Variants in DNAH11 observed in about 807,000 individuals in gnomAD.
The protein encoded by DNAH11 is axonemal beta dynein heavy chain 11.
In DNAH11, 442 loss-of-function variants were observed where a neutral mutation model predicts 526.0. That is an observed-to-expected ratio of 0.84 (90% CI 0.78 to 0.91). The LOEUF (loss-of-function observed/expected upper bound fraction) is 0.91, where lower values mean the gene tolerates loss of function less well. Ranked by LOEUF, DNAH11 falls within the 40% of genes least tolerant of loss-of-function variation. The pLI, the probability that DNAH11 is intolerant of heterozygous loss-of-function variation, is 0.00. For synonymous variants in DNAH11, 2,461 were observed against 1,935.9 expected (o/e 1.27, Z -7.12); for missense variants, 6,989 against 5,448.7 (o/e 1.28, Z -8.90).
intron 58 of DNAH11, 98 bp downstream of exon 58, chr7:21,784,638 A>G: frequency 2.6e-6 from 2 of 776,904 alleles, no homozygotes; most frequent in South Asian, 3.0e-5. Flanking sequence ...CATTACAGCC[A>G]AAAAGTATTT....
At chr7:21,583,142 A>C (rs541242500) in intron 9 of DNAH11, among the ~76,000 whole-genome samples, 3 of 152,320 alleles carry the variant, frequency 2.0e-5, no homozygotes, top group Admixed American at 1.3e-4. Flanking sequence ...AATCCTAAGC[A>C]AAAAGAACAA....
intron 30 of DNAH11, among the ~76,000 whole-genome samples, chr7:21,674,565 G>T (rs187958970): frequency 2.0e-4 from 30 of 152,252 alleles, no homozygotes; most frequent in African/African-American, 7.2e-4. Context: ...GTTTCGCCAT[G>T]TTGACCAGGC....
intron 65 of DNAH11, among the ~76,000 whole-genome samples, chr7:21,834,748 G>T (rs1219205538): frequency 1.3e-5 from 2 of 152,124 alleles, no homozygotes; most frequent in African/African-American, 4.8e-5. Flanking sequence ...TGGAGGCCGA[G>T]GCAGGGGGAT....
chr7:21,585,196 C>T (rs933208060), intron 9 of DNAH11, among the ~76,000 whole-genome samples: 4 of 152,116 alleles, frequency 2.6e-5, no homozygotes, highest in East Asian at 1.9e-4. Flanking sequence ...CATCATCTTA[C>T]AGCTTCTGTG....
At chr7:21,561,461 A>G (rs1015341206) in intron 5 of DNAH11, 2 of 252,374 alleles carry the variant, frequency 7.9e-6, no homozygotes, top group Non-Finnish European at 1.5e-5. Flanking sequence ...AAAAAAAAAT[A>G]AGTCTGGATA....
At chr7:21,623,272 C>T (rs1786167509) in intron 25 of DNAH11, among the ~76,000 whole-genome samples, 1 of 151,890 alleles carries the variant, frequency 6.6e-6, no homozygotes, top group Non-Finnish European at 1.5e-5. Context: ...GAGATACCAT[C>T]TCACACCAGT....
At position 21,654,440 on chromosome 7, in the gene DNAH11, A is replaced by G. The variant is rs578160948; in HGVS notation, c.4945-1392A>G. ...TAATATTCCTTTTAATGACTGAACAATATTCCGTTGTATGGATATACCACA... is the reference window on the plus strand; with the variant it reads ...TAATATTCCTTTTAATGACTGAACAGTATTCCGTTGTATGGATATACCACA... On this transcript the variant is annotated intron_variant, in intron 28 of 81. Transcript: ENST00000409508. Among the ~76,000 whole-genome samples, 7 of 152,318 alleles carry G rather than the reference A, an allele frequency of 4.6e-5. No homozygotes were observed. The South Asian group carries it at 6.2e-4, about 14-fold the overall frequency.
At chr7:21,684,031 A>AACGATGAAC in intron 32 of DNAH11, 87 bp downstream of exon 32, 1 of 1,352,450 alleles carries the variant, frequency 7.4e-7, no homozygotes, top group Non-Finnish European at 1.0e-6. Context: ...AATGAGAGGA[A>AACGATGAAC]ACGATGAACA....
intron 79 of DNAH11, 81 bp downstream of exon 79, chr7:21,895,080 A>C: frequency 8.7e-7 from 1 of 1,150,668 alleles, no homozygotes; most frequent in Non-Finnish European, 1.3e-6. Context: ...CTTCCTAAGA[A>C]CTATGCAGAC....
chr7:21,890,845 A>G (rs1583816810), intron 76 of DNAH11, among the ~76,000 whole-genome samples: 1 of 152,186 alleles, frequency 6.6e-6, no homozygotes, highest in African/African-American at 2.4e-5. Flanking sequence ...CTTCCTTCCC[A>G]TATTCATCGG....
rs771238763 is a variant in DNAH11 at position 21,816,619 on chromosome 7, G to A, written c.10485G>A (p.Val3495=). ...CACACTGTGAGCGCTGGCCTCTGGTGATAGATCCCCAGCAACAGGGAATTA... is the reference window on the plus strand; with the variant it reads ...CACACTGTGAGCGCTGGCCTCTGGTAATAGATCCCCAGCAACAGGGAATTA... ...ILTHCERWPL[V]IDPQQQGIKW... is the part of the protein sequence containing the mutation. Residue 3495 remains valine (V), a synonymous_variant, in exon 64 of 82, where the codon GTG becomes GTA. Transcript: ENST00000409508. 2 of 1,613,766 alleles carry A rather than the reference G, an allele frequency of 1.2e-6. No homozygotes were observed. Among genetic ancestry groups the A allele is most frequent in the South Asian group, 1.1e-5 (1 of 91,046 alleles).
intron 20 of DNAH11, among the ~76,000 whole-genome samples, chr7:21,612,653 C>A (rs1785579928): frequency 6.6e-6 from 1 of 151,464 alleles, no homozygotes; most frequent in Admixed American, 6.6e-5. Context: ...CACATGATTC[C>A]AGGAACCTGA....
chr7:21,580,775 C>T (rs924949605), intron 8 of DNAH11, among the ~76,000 whole-genome samples: 2 of 152,160 alleles, frequency 1.3e-5, no homozygotes, highest in Admixed American at 6.5e-5. Context: ...CTTCTTGATA[C>T]TATCGTATTG....
chr7:21,627,736 G>A (rs1356764013), intron 25 of DNAH11, among the ~76,000 whole-genome samples: 1 of 151,994 alleles, frequency 6.6e-6, no homozygotes, highest in Non-Finnish European at 1.5e-5. Context: ...TGTTCTTTTT[G>A]CTCAGGATTG....
intron 68 of DNAH11, among the ~76,000 whole-genome samples, chr7:21,855,195 C>G (rs949077456): frequency 1.3e-5 from 2 of 151,984 alleles, no homozygotes; most frequent in African/African-American, 2.4e-5. Context: ...CCACACCTGG[C>G]TAATTTTTTG....
At chr7:21,636,289 C>A (rs1786860468) in intron 26 of DNAH11, among the ~76,000 whole-genome samples, 194 bp downstream of exon 26, 1 of 152,110 alleles carries the variant, frequency 6.6e-6, no homozygotes, top group African/African-American at 2.4e-5. Flanking sequence ...CTTCTGAATG[C>A]TGCCATTACA....
chr7:21,781,977 C>G (rs902850510), intron 57 of DNAH11, among the ~76,000 whole-genome samples: 3 of 152,168 alleles, frequency 2.0e-5, no homozygotes, highest in African/African-American at 7.2e-5. Flanking sequence ...TCACCCCAGT[C>G]AGTTTGGATT....
intron 68 of DNAH11, among the ~76,000 whole-genome samples, chr7:21,861,290 G>A (rs1402823388): frequency 3.3e-5 from 5 of 152,148 alleles, no homozygotes; most frequent in African/African-American, 7.2e-5. Context: ...ATGGACTGCC[G>A]CATGTAATTT....
intron 65 of DNAH11, among the ~76,000 whole-genome samples, chr7:21,821,008 G>A (rs1790028681): frequency 6.6e-6 from 1 of 152,158 alleles, no homozygotes; most frequent in Non-Finnish European, 1.5e-5. Flanking sequence ...CCTAAACTTA[G>A]GCAGTGACAG....
Sources: gnomAD v4.1 joint callset for allele counts (sites outside exome capture counted in the v4.1 genomes callset) on GRCh38, gnomAD v4.1.1 for gene constraint, MANE v1.5 for transcripts, NCBI Gene and HGNC (gene_info 2026-07-23, HGNC 2026-07-21) for gene names.